The following ZSCAN20 variants were observed in gnomAD, a reference collection of about 807,000 sequenced individuals.
ZSCAN20 encodes the protein zinc finger and SCAN domain-containing protein 20.
A neutral mutation model predicts 97.1 loss-of-function variants in ZSCAN20; 39 were observed. The ratio of observed to expected loss-of-function variants is 0.40; its 90% CI spans 0.31 to 0.52. The LOEUF (loss-of-function observed/expected upper bound fraction) is 0.52. ZSCAN20 is among the 20% of genes least tolerant of loss of function. The pLI, the probability that ZSCAN20 is intolerant of heterozygous loss-of-function variation, is 0.49. For synonymous variants in ZSCAN20, 456 were observed against 467.3 expected (o/e 0.98, Z 0.31); for missense variants, 1,115 against 1,290.4 (o/e 0.86, Z 2.08).
chr1:33,484,379 C>T (rs1652273516), intron 2 of ZSCAN20, among the ~76,000 whole-genome samples: 1 of 152,032 alleles, frequency 6.6e-6, no homozygotes. Context: ...TCCTAGTTTG[C>T]CAAGTTTTTA....
rs1433929295 is a variant in ZSCAN20 at position 33,493,010 on chromosome 1, A to G, written c.1445-177A>G. 6.6e-6 allele frequency among the ~76,000 whole-genome samples: 1 copy of G among 152,144 alleles called. No individual in the cohort carries two copies. The highest frequency in any genetic ancestry group is 2.4e-5 in the African/African-American group (1 of 41,436). On this transcript the variant is annotated intron_variant, in intron 6 of 7. Coordinates refer to ENST00000684572, the MANE Select transcript of ZSCAN20 (RefSeq NM_001377376.1). This position sits in a 1 kb window ranked among gnomAD's most constrained non-coding sequence, Gnocchi z 4.3. The stretch of plus-strand genomic sequence containing the variant: ...CTCTTAGAAGAGGGTGAGGGTGGGA[A>G]GCTCTGGCTGGCTGTCCTAGCATGC...
chr1:33,475,949 T>C (rs747358643), intron 1 of ZSCAN20, among the ~76,000 whole-genome samples: 1 of 152,068 alleles, frequency 6.6e-6, no homozygotes, highest in Non-Finnish European at 1.5e-5. Flanking sequence ...ATTACAGGCG[T>C]GAGCCACCGC....
chr1:33,488,425 A>G, intron 2 of ZSCAN20, 40 bp from the exon 3 acceptor site: 2 of 1,598,720 alleles, frequency 1.3e-6, no homozygotes, highest in South Asian at 1.1e-5. Flanking sequence ...AGTGGGTCTT[A>G]CTGAATTGTT....
At chr1:33,490,898 T>C in intron 5 of ZSCAN20, 127 bp from the exon 6 acceptor site, 1 of 836,650 alleles carries the variant, frequency 1.2e-6, no homozygotes, top group Non-Finnish European at 1.8e-6. Context: ...GTAAACATTT[T>C]ATGGGATCAA....
At chr1:33,481,440 A>G (rs1406822119) in intron 2 of ZSCAN20, among the ~76,000 whole-genome samples, 1 of 152,188 alleles carries the variant, frequency 6.6e-6, no homozygotes, top group Non-Finnish European at 1.5e-5. Context: ...AGAAAAAAAT[A>G]AGGTAATGGA....
intron 2 of ZSCAN20, among the ~76,000 whole-genome samples, chr1:33,486,375 G>A (rs953715487): frequency 6.6e-6 from 1 of 152,188 alleles, no homozygotes; most frequent in African/African-American, 2.4e-5. Context: ...AGAGGCTTCT[G>A]CTCCACTAAG....
At chr1:33,472,932 G>C (rs1056647796) in intron 1 of ZSCAN20, among the ~76,000 whole-genome samples, 2 of 152,008 alleles carry the variant, frequency 1.3e-5, no homozygotes, top group African/African-American at 4.8e-5. Context: ...AGAAGGGTCT[G>C]AAGGTGAGGG....
intron 2 of ZSCAN20, among the ~76,000 whole-genome samples, chr1:33,481,363 A>G (rs1652151489): frequency 1.3e-5 from 2 of 152,228 alleles, no homozygotes; most frequent in African/African-American, 4.8e-5. Context: ...AGAGGGTTGG[A>G]TTAGACCAAA....
At chr1:33,487,738 G>A (rs1652426063) in intron 2 of ZSCAN20, among the ~76,000 whole-genome samples, 2 of 152,114 alleles carry the variant, frequency 1.3e-5, no homozygotes, top group South Asian at 4.1e-4. Context: ...AAACTTCTGG[G>A]CTCAAGTGAT....
chr1:33,487,919 T>C (rs2148464035), intron 2 of ZSCAN20, among the ~76,000 whole-genome samples: 1 of 152,308 alleles, frequency 6.6e-6, no homozygotes, highest in Non-Finnish European at 1.5e-5. Flanking sequence ...CCCAAAATGC[T>C]AGAATTACAG....
chr1:33,490,050 TG>T (rs1043529808), intron 5 of ZSCAN20, among the ~76,000 whole-genome samples: 17 of 152,174 alleles, frequency 1.1e-4, no homozygotes, highest in African/African-American at 4.1e-4. Context: ...CCTTTCTATG[TG>T]GGCACTCCTA....
intron 1 of ZSCAN20, among the ~76,000 whole-genome samples, chr1:33,475,718 G>A (rs954814078): frequency 2.0e-5 from 3 of 151,806 alleles, no homozygotes; most frequent in Non-Finnish European, 4.4e-5. Context: ...GGAGTGCAGT[G>A]GCACGATCTC....
intron 2 of ZSCAN20, among the ~76,000 whole-genome samples, chr1:33,485,194 C>T (rs1394696040): frequency 6.6e-6 from 1 of 152,086 alleles, no homozygotes; most frequent in Admixed American, 6.5e-5. Flanking sequence ...AGATATTGGC[C>T]TCTTCAGATT....
rs1181688934 is a variant in ZSCAN20, at chr1:33,488,490, C to T, written c.443C>T (p.Thr148Ile). ...QSGLELHTEE[T>I]RPLKTGEEAQ... The stretch of plus-strand genomic sequence containing the variant: ...GGACTGGAATTGCATACAGAAGAGA[C>T]CAGGCCCTTAAAGACAGGGGAAGAA... Residue 148 changes from threonine (T) to isoleucine (I), a missense_variant, in exon 3 of 8, where the codon ACC becomes ATC. Around this residue, in one of 3 missense-constraint regions of ZSCAN20, gnomAD observed 508 missense variants for 611.2 expected, o/e 0.83. Coordinates refer to ENST00000684572, the MANE Select transcript of ZSCAN20 (RefSeq NM_001377376.1). 2 of 1,613,816 alleles carry T rather than the reference C, an allele frequency of 1.2e-6. No individual in the cohort carries two copies. Among genetic ancestry groups the T allele is most frequent in the Non-Finnish European group, 8.5e-7 (1 of 1,179,966 alleles).
At chr1:33,487,850 C>T (rs1652429966) in intron 2 of ZSCAN20, among the ~76,000 whole-genome samples, 7 of 152,000 alleles carry the variant, frequency 4.6e-5, no homozygotes, top group Admixed American at 4.6e-4. Flanking sequence ...TGAGGGTCTG[C>T]TATGTTGCCC....
At chr1:33,486,917 T>C (rs1487477631) in intron 2 of ZSCAN20, among the ~76,000 whole-genome samples, 1 of 152,200 alleles carries the variant, frequency 6.6e-6, no homozygotes, top group South Asian at 2.1e-4. Context: ...TCCTTCTCTG[T>C]GAGTGGATCT....
chr1:33,495,377 G>A lies in ZSCAN20; in HGVS notation c.3033G>A (p.Gly1011=). The A allele has an allele frequency of 6.2e-7, 1 of 1,612,426 alleles. No homozygotes were observed. The highest frequency in any genetic ancestry group is 1.3e-5 in the African/African-American group (1 of 74,992). The change falls in exon 8 of 8, where the codon GGG becomes GGA. Residue 1011 remains glycine (G), a synonymous_variant. Coordinates refer to ENST00000684572, the MANE Select transcript of ZSCAN20 (RefSeq NM_001377376.1). ...TTATTCACCAGAGAATCCACACAGG[G>A]GAGAAACCCTACAAGTGCACAGAGT... ...SLIIHQRIHT[G]EKPYKCTECG...
chr1:33,475,136 C>G (rs1651871763), intron 1 of ZSCAN20, among the ~76,000 whole-genome samples: 1 of 152,186 alleles, frequency 6.6e-6, no homozygotes, highest in South Asian at 2.1e-4. Context: ...GTTTGGATGA[C>G]TAGCACACAT....
At position 33,496,349 on chromosome 1, in the gene ZSCAN20, T is replaced by G. The variant is rs1483398562; in HGVS notation, c.*873T>G. The stretch of plus-strand genomic sequence containing the variant: ...ACATTTTGAATTTTTTAAACAAATA[T>G]GGAAACTGAGAATCCCTAAGGATTA... On this transcript the variant is annotated 3_prime_UTR_variant, in exon 8 of 8. Transcript: ENST00000684572. The G allele has an allele frequency of 6.6e-6, 1 of 152,190 alleles. No homozygotes were observed. The highest frequency in any genetic ancestry group is 6.5e-5 in the Admixed American group (1 of 15,280). 9.4% of individuals were successfully genotyped at this position (152,190 alleles called of 1,614,324 possible).
Sources: allele counts gnomAD v4.1 joint callset (sites outside exome capture counted in the v4.1 genomes callset), GRCh38; gene constraint gnomAD v4.1.1; regional missense constraint gnomAD v4.1.1; non-coding constraint Gnocchi (gnomAD v3.1); transcripts MANE v1.5; gene names NCBI Gene and HGNC (gene_info 2026-07-23, HGNC 2026-07-21).